Variants in LINGO2 observed in about 807,000 individuals in gnomAD.
LINGO2 encodes the protein leucine rich repeat and Ig domain containing 2.
A neutral mutation model predicts 30.6 loss-of-function variants in LINGO2; 14 were observed. That is an observed-to-expected ratio of 0.46 (90% CI 0.30 to 0.72). The LOEUF (loss-of-function observed/expected upper bound fraction) is 0.72. Ranked by LOEUF, LINGO2 falls within the 30% of genes least tolerant of loss-of-function variation. The pLI is 0.07. For synonymous variants in LINGO2, 317 were observed against 288.5 expected, an observed-to-expected ratio of 1.10 and a Z score of -1.00; for missense variants, 729 against 751.7, an observed-to-expected ratio of 0.97 and a Z score of 0.35.
chr9:28,053,115 G>T (rs1170405366), intron 4 of LINGO2, among the ~76,000 whole-genome samples: 1 of 151,858 alleles, frequency 6.6e-6, no homozygotes. Flanking sequence ...GAACCATAAG[G>T]TATAATGAGA....
At chr9:29,008,157 A>G in the LINGO2 span, among the ~76,000 whole-genome samples, 1 of 152,104 alleles carries the variant, frequency 6.6e-6, no homozygotes, top group African/African-American at 2.4e-5. Flanking sequence ...ATTCCCACCT[A>G]TGAGTGAGAA....
intron 3 of LINGO2, among the ~76,000 whole-genome samples, chr9:28,342,698 AACTT>A (rs931275743): frequency 6.6e-6 from 1 of 152,136 alleles, no homozygotes; most frequent in African/African-American, 2.4e-5. Flanking sequence ...GACTGAAACT[AACTT>A]CTCCTAGAGG....
Position 27,976,635 on chromosome 9 carries a change from G to A in LINGO2, c.-35-25929C>T, listed in dbSNP as rs78220949. Among the ~76,000 whole-genome samples the A allele has an allele frequency of 3.6e-3, 547 of 152,058 alleles. 1 individual carries two copies. Among genetic ancestry groups the A allele is most frequent in the Non-Finnish European group, 7.0e-3 (473 of 67,970 alleles). On this transcript the variant is annotated intron_variant, in intron 5 of 5. Coordinates refer to ENST00000379992, the Ensembl canonical transcript of LINGO2. ...GTCCTTAAGACATGTGCCCAATGTCGCAGTCTAGTAATAAGTCTGGTTCCA... is the reference window on the plus strand; with the variant it reads ...GTCCTTAAGACATGTGCCCAATGTCACAGTCTAGTAATAAGTCTGGTTCCA...
chr9:28,266,326 T>C (rs1348032640), intron 4 of LINGO2, among the ~76,000 whole-genome samples: 2 of 151,942 alleles, frequency 1.3e-5, no homozygotes. Context: ...ACTCAGAGGA[T>C]TCTTATAAGA....
intron 1 of LINGO2, among the ~76,000 whole-genome samples, chr9:28,621,911 G>C (rs1438707422): frequency 2.0e-5 from 3 of 151,926 alleles, no homozygotes; most frequent in East Asian, 3.9e-4. Context: ...CTGACACTGA[G>C]ACACAAAACA....
chr9:27,959,811 T>C (rs558879440), intron 5 of LINGO2, among the ~76,000 whole-genome samples: 25 of 152,302 alleles, frequency 1.6e-4, no homozygotes, highest in African/African-American at 5.5e-4. Flanking sequence ...TGTTCAGCTC[T>C]TCTAAATCCT....
chr9:28,314,397 A>G (rs1824756759), intron 3 of LINGO2, among the ~76,000 whole-genome samples: 1 of 152,220 alleles, frequency 6.6e-6, no homozygotes, highest in Non-Finnish European at 1.5e-5. Flanking sequence ...AATCAGAGTC[A>G]GTAAATTTTA....
chr9:29,090,672 T>G, the LINGO2 span, among the ~76,000 whole-genome samples: 3 of 152,218 alleles, frequency 2.0e-5, no homozygotes, highest in East Asian at 5.8e-4. Flanking sequence ...ATGATTTATT[T>G]AATCCACCCA....
intron 1 of LINGO2, among the ~76,000 whole-genome samples, chr9:28,602,260 T>C (rs1206891294): frequency 6.6e-6 from 1 of 151,828 alleles, no homozygotes; most frequent in Non-Finnish European, 1.5e-5. Context: ...CATGGGGAGG[T>C]TGGTGCAGGG....
At chr9:29,194,846 A>T in the LINGO2 span, among the ~76,000 whole-genome samples, 1 of 152,224 alleles carries the variant, frequency 6.6e-6, no homozygotes, top group Non-Finnish European at 1.5e-5. Flanking sequence ...CATTGAAAAA[A>T]GCTACTCATC....
intron 4 of LINGO2, among the ~76,000 whole-genome samples, chr9:28,153,505 A>G (rs1487610385): frequency 2.0e-5 from 3 of 152,176 alleles, no homozygotes; most frequent in African/African-American, 7.2e-5. Context: ...GAATGAGCAA[A>G]AGTCTTGTTG....
chr9:28,141,560 A>ACACTTTGGAAAACATTACAGTCTC (rs1223589862), intron 4 of LINGO2, among the ~76,000 whole-genome samples: 2 of 152,362 alleles, frequency 1.3e-5, no homozygotes, highest in African/African-American at 4.8e-5. Context: ...AGCCTGGGTT[A>ACACTTTGGAAAACATTACAGTCTC]CACTTTGGAA....
At chr9:28,484,546 G>A (rs1410389779) in intron 1 of LINGO2, among the ~76,000 whole-genome samples, 2 of 151,952 alleles carry the variant, frequency 1.3e-5, no homozygotes, top group South Asian at 2.1e-4. Flanking sequence ...CATTCCTCAC[G>A]TGACATGTTT....
the LINGO2 span, among the ~76,000 whole-genome samples, chr9:28,858,220 T>C: frequency 6.6e-6 from 1 of 152,046 alleles, no homozygotes; most frequent in Non-Finnish European, 1.5e-5. Flanking sequence ...TATTTAATAC[T>C]GATTTTATGG....
At chr9:28,925,741 A>G in the LINGO2 span, among the ~76,000 whole-genome samples, 1 of 152,140 alleles carries the variant, frequency 6.6e-6, no homozygotes, top group Admixed American at 6.5e-5. Context: ...GTAACTTTTG[A>G]ACTTTGTAAG....
At chr9:28,485,121 C>G (rs1275227873) in intron 1 of LINGO2, among the ~76,000 whole-genome samples, 1 of 152,080 alleles carries the variant, frequency 6.6e-6, no homozygotes, top group Admixed American at 6.6e-5. Context: ...TTCAATGATT[C>G]CCAACTTCTT....
chr9:28,624,797 T>A (rs1047273231), intron 1 of LINGO2, among the ~76,000 whole-genome samples: 2 of 151,342 alleles, frequency 1.3e-5, no homozygotes, highest in Admixed American at 6.6e-5. Context: ...TAGAATGGGG[T>A]CCTTATGGCT....
chr9:29,045,408 G>A, the LINGO2 span, among the ~76,000 whole-genome samples: 1 of 151,852 alleles, frequency 6.6e-6, no homozygotes, highest in Non-Finnish European at 1.5e-5. Flanking sequence ...GAATTTATAT[G>A]GAATATATTC....
chr9:28,777,123 A>C, the LINGO2 span, among the ~76,000 whole-genome samples: 1 of 152,148 alleles, frequency 6.6e-6, no homozygotes, highest in East Asian at 1.9e-4. Context: ...GAGGCCTCCC[A>C]ATCATGCTTC....
Sources: allele counts gnomAD v4.1 joint callset (sites outside exome capture counted in the v4.1 genomes callset), GRCh38; gene constraint gnomAD v4.1.1; transcripts MANE v1.5; gene names NCBI Gene and HGNC (gene_info 2026-07-23, HGNC 2026-07-21).